Variants in TRAK1 observed in about 807,000 individuals in gnomAD.
TRAK1 encodes the protein trafficking kinesin-binding protein 1.
TRAK1 carries 33 observed loss-of-function variants against 92.1 expected under a neutral mutation model. That is an observed-to-expected ratio of 0.36 (90% CI 0.27 to 0.48). The LOEUF (loss-of-function observed/expected upper bound fraction) is 0.48. TRAK1 is among the 20% of genes least tolerant of loss of function. The pLI is 0.99. For missense variants in TRAK1, 1,123 were observed against 1,257.9 expected (o/e 0.89, Z 1.62); for synonymous variants, 521 against 517.3 (o/e 1.01, Z -0.10).
upstream of TRAK1, among the ~76,000 whole-genome samples, chr3:42,090,180 C>T (rs1029175030): frequency 1.3e-5 from 2 of 152,136 alleles, no homozygotes; most frequent in South Asian, 2.1e-4. Context: ...CCAGGCTGAA[C>T]CTTGGAGGGG....
At chr3:42,189,275 GC>G in intron 6 of TRAK1, 151 bp downstream of exon 6, 2 of 624,236 alleles carry the variant, frequency 3.2e-6, no homozygotes, top group Non-Finnish European at 5.7e-6. Context: ...CCTCCTCTAT[GC>G]TCTGGGCACT....
At chr3:42,176,792 T>C (rs1277418374) in intron 2 of TRAK1, 22 bp from the exon 3 acceptor site, 2 of 1,604,490 alleles carry the variant, frequency 1.2e-6, no homozygotes, top group East Asian at 2.2e-5. Flanking sequence ...GGGAGTCTCA[T>C]TGTCATTTTT....
At chr3:42,149,121 G>A (rs1351971900) in intron 2 of TRAK1, 1 of 920,550 alleles carries the variant, frequency 1.1e-6, no homozygotes, top group Non-Finnish European at 1.3e-6. Context: ...GCAACGGTTA[G>A]ATTGAAAGAT....
intron 1 of TRAK1, among the ~76,000 whole-genome samples, chr3:42,043,620 G>C (rs73828514): frequency 0.039 from 5,897 of 151,954 alleles, 417 homozygotes; most frequent in African/African-American, 0.13. Flanking sequence ...GGAGCTGGGG[G>C]GGGGGCGGGG....
At chr3:42,197,684 T>C (rs1374837724) in intron 10 of TRAK1, among the ~76,000 whole-genome samples, 1 of 152,220 alleles carries the variant, frequency 6.6e-6, no homozygotes, top group African/African-American at 2.4e-5. Flanking sequence ...TTAATGGCAA[T>C]CTGTGGGTAA....
At chr3:42,184,874 G>A (rs541540845) in intron 4 of TRAK1, 73 bp downstream of exon 4, 1 of 1,433,410 alleles carries the variant, frequency 7.0e-7, no homozygotes, top group Non-Finnish European at 9.7e-7. Context: ...GGCTGAAGGA[G>A]ATGAGAGAAT....
chr3:42,047,362 A>AT lies in TRAK1; in HGVS notation c.-519+33260dup, dbSNP rs58871625. The stretch of plus-strand genomic sequence containing the variant: ...AGGTACACACCACTGTGCCCGGGTG[A>AT]TTTTTTTTTTTTTTTAACTTTTTGT... On this transcript the variant is annotated intron_variant, in intron 1 of 16. Coordinates refer to the TRAK1 transcript ENST00000487159. Among the ~76,000 whole-genome samples, 762 of 139,762 alleles carry AT rather than the reference A, an allele frequency of 5.5e-3. 13 individuals are homozygous for AT. The East Asian group carries it at 0.071, about 13-fold the overall frequency. 91.7% of individuals were successfully genotyped at this position (139,762 alleles called of 152,430 possible).
intron 10 of TRAK1, 141 bp downstream of exon 10, chr3:42,195,082 A>C (rs1706401754): frequency 9.6e-7 from 1 of 1,042,508 alleles, no homozygotes; most frequent in Non-Finnish European, 1.3e-6. Flanking sequence ...TGAATCAAGG[A>C]CACTTGAATC....
intron 1 of TRAK1, among the ~76,000 whole-genome samples, chr3:42,063,048 A>C (rs1045967576): frequency 6.6e-6 from 1 of 152,234 alleles, no homozygotes; most frequent in Non-Finnish European, 1.5e-5. Flanking sequence ...TAAAGTCAGA[A>C]TTCCAGGCCT....
intron 10 of TRAK1, among the ~76,000 whole-genome samples, chr3:42,197,010 A>T (rs1388611645): frequency 1.1e-4 from 15 of 132,346 alleles, no homozygotes; most frequent in South Asian, 2.5e-4. Flanking sequence ...TCTCACACAC[A>T]CACACACACA....
At chr3:42,114,369 A>G (rs1411200472) in intron 1 of TRAK1, among the ~76,000 whole-genome samples, 1 of 152,192 alleles carries the variant, frequency 6.6e-6, no homozygotes, top group Non-Finnish European at 1.5e-5. Flanking sequence ...ACATATGGCA[A>G]TTGTGTTTGA....
At position 42,124,523 on chromosome 3, in the gene TRAK1, C is replaced by T. The variant is rs143860618; in HGVS notation, c.92-897C>T. Among the ~76,000 whole-genome samples, 31 of 152,292 alleles carry T rather than the reference C, an allele frequency of 2.0e-4. No homozygotes were observed. The East Asian group carries it at 5.8e-3, about 28-fold the overall frequency. ...GTTGTCATGTTTGCATTTTAAAGGC[C>T]TGCATTAATGTGCTTTGTGTGAATT... On this transcript the variant is annotated intron_variant, in intron 1 of 15. Transcript: ENST00000327628.
intron 14 of TRAK1, chr3:42,218,428 G>C (rs1461964610): frequency 1.4e-6 from 1 of 690,698 alleles, no homozygotes; most frequent in African/African-American, 2.4e-5. Flanking sequence ...GGGCTGAGCT[G>C]CTACAGGGGC....
In TRAK1 at chr3:42,191,612, G is replaced by T; in HGVS notation, c.745G>T (p.Val249Phe). 1 of 1,603,870 alleles carries T rather than the reference G, an allele frequency of 6.2e-7. No homozygotes were observed. Among genetic ancestry groups the T allele is most frequent in the Non-Finnish European group, 8.5e-7 (1 of 1,175,206 alleles). Residue 249 changes from valine to phenylalanine, a missense_variant, in exon 7 of 16, where the codon GTC becomes TTC. Physicochemically the swap from Val to Phe is conservative, Grantham distance 50. Coordinates refer to ENST00000327628, the MANE Select transcript of TRAK1 (RefSeq NM_001042646.3). The stretch of plus-strand genomic sequence containing the variant: ...CTATGAGGAGAAGGAGCAGCAGCTG[G>T]TCAATGACTGCGTGAAGGAGCTGAG... ...ITYEEKEQQL[V>F]NDCVKELRDA...
At chr3:42,106,084 A>G (rs867191676) in intron 1 of TRAK1, among the ~76,000 whole-genome samples, 3 of 152,220 alleles carry the variant, frequency 2.0e-5, no homozygotes, top group African/African-American at 7.2e-5. Flanking sequence ...TGTAAAGACC[A>G]TCAATGCTAG....
chr3:42,096,728 G>C (rs1705979784), intron 1 of TRAK1, among the ~76,000 whole-genome samples: 1 of 152,242 alleles, frequency 6.6e-6, no homozygotes, highest in Non-Finnish European at 1.5e-5. Flanking sequence ...GAAGGGGGCA[G>C]CCACAAAGGC....
At chr3:42,180,189 G>A (rs552512371) in intron 3 of TRAK1, among the ~76,000 whole-genome samples, 7 of 151,830 alleles carry the variant, frequency 4.6e-5, no homozygotes, top group South Asian at 2.1e-4. Context: ...CTACAATAAC[G>A]TTTCTGTTTA....
intron 1 of TRAK1, among the ~76,000 whole-genome samples, chr3:42,111,631 G>T (rs996846552): frequency 4.6e-5 from 7 of 152,084 alleles, no homozygotes; most frequent in Non-Finnish European, 1.0e-4. Flanking sequence ...TCCTGACCTC[G>T]TGATCCTCCC....
At chr3:42,093,514 A>AT (rs370374183) in intron 1 of TRAK1, among the ~76,000 whole-genome samples, 131 of 151,574 alleles carry the variant, frequency 8.6e-4, no homozygotes, top group African/African-American at 3.1e-3. Context: ...TTTCCATGTG[A>AT]TTTTGGGGCC....
Sources: allele counts gnomAD v4.1 joint callset (sites outside exome capture counted in the v4.1 genomes callset), GRCh38; gene constraint gnomAD v4.1.1; transcripts MANE v1.5; gene names NCBI Gene and HGNC (gene_info 2026-07-23, HGNC 2026-07-21).